The following NEK8 variants were observed in gnomAD, a reference collection of about 807,000 sequenced individuals.
NEK8 encodes NIMA related kinase 8, also known as serine/threonine-protein kinase Nek8.
A neutral mutation model predicts 77.2 loss-of-function variants in NEK8; 51 were observed. That is an observed-to-expected ratio of 0.66 (90% CI 0.53 to 0.83). NEK8 has a LOEUF of 0.83. Among genes scored for constraint, NEK8 ranks in the 40% least tolerant of loss-of-function variants. The pLI, the probability that NEK8 is intolerant of heterozygous loss-of-function variation, is 0.00. For missense variants in NEK8, 787 were observed against 909.2 expected, an observed-to-expected ratio of 0.87 and a Z score of 1.73; for synonymous variants, 365 against 363.2, an observed-to-expected ratio of 1.00 and a Z score of -0.06.
rs1238581801 is a variant in NEK8 at position 28,734,837 on chromosome 17, C to T, written c.319C>T (p.His107Tyr). The change falls in exon 3 of 15, where the codon CAC becomes TAC. Residue 107 changes from histidine (H) to tyrosine (Y), a missense_variant. This residue lies in a region of NEK8 where 271 missense variants were observed against 365.1 expected (regional missense o/e 0.74). Coordinates refer to ENST00000268766, the MANE Select transcript of NEK8 (RefSeq NM_178170.3). ...CCTGCTGGAGGAGGAGACCATCCTG[C>T]ACTTCTTCGTGCAGATCCTGCTTGC... is the stretch of plus-strand genomic sequence containing the variant. ...NSLLEEETIL[H>Y]FFVQILLALH... 1.9e-6 allele frequency: 3 copies of T among 1,613,772 alleles called. No individual in the cohort carries two copies. The highest frequency in any genetic ancestry group is 1.7e-6 in the Non-Finnish European group (2 of 1,180,028).
Position 28,737,619 on chromosome 17 carries a change from C to T in NEK8, c.828-56C>T. On this transcript the variant is annotated intron_variant, in intron 5 of 14. Coordinates refer to ENST00000268766, the MANE Select transcript of NEK8 (RefSeq NM_178170.3). The surrounding 1 kb of genome is among the most constrained non-coding windows in gnomAD (Gnocchi z 4.8). ...GAAACCTGGGGCAAGTCCTCCCTTC[C>T]TGCATGTAGGAATGTCAGGAGGGTC... 6.2e-7 allele frequency: 1 copy of T among 1,614,052 alleles called. No individual in the cohort carries two copies. Among genetic ancestry groups the T allele is most frequent in the Non-Finnish European group, 8.5e-7 (1 of 1,179,932 alleles).
intron 2 of NEK8, chr17:28,734,398 G>C: frequency 1.6e-6 from 1 of 607,886 alleles, no homozygotes; most frequent in Non-Finnish European, 2.9e-6. Context: ...GGCTGGGCAC[G>C]GTGGCTCATG....
intron 10 of NEK8, among the ~76,000 whole-genome samples, chr17:28,739,538 C>T (rs2034399525): frequency 6.6e-6 from 1 of 152,170 alleles, no homozygotes; most frequent in Non-Finnish European, 1.5e-5. Flanking sequence ...CAACCTCCAC[C>T]ACCGGGTTCA....
chr17:28,738,660 C>G lies in NEK8; in HGVS notation c.1223-11C>G, dbSNP rs367591443. ...CTTTCCCTTCTCCTTCCTCACTGCC[C>G]TTCTCCCCAGACAGAGGCATCATCA... On this transcript the variant is annotated splice_polypyrimidine_tract_variant and intron_variant, in intron 8 of 14. Coordinates refer to ENST00000268766, the MANE Select transcript of NEK8 (RefSeq NM_178170.3). The G allele has an allele frequency of 5.0e-6, 8 of 1,613,348 alleles. No individual in the cohort carries two copies. The highest frequency in any genetic ancestry group is 6.8e-6 in the Non-Finnish European group (8 of 1,179,256).
chr17:28,737,869 G>A lies in NEK8; in HGVS notation c.940G>A (p.Val314Met), dbSNP rs2034381414. Reference protein sequence around the residue: ...RPAIPPPLSSVYAWGGGLGTP... With the variant: ...RPAIPPPLSSMYAWGGGLGTP... ...AGCCATCCCACCACCACTGTCGTCA[G>A]TGTATGCCTGGGGTGGTGGGCTGGG... Residue 314 changes from valine (V) to methionine (M), a missense_variant, in exon 7 of 15, where the codon GTG (valine) becomes ATG (methionine). Around this residue, in one of 2 missense-constraint regions of NEK8, gnomAD observed 516 missense variants for 544.0 expected, o/e 0.95. Coordinates refer to ENST00000268766, the MANE Select transcript of NEK8 (RefSeq NM_178170.3). This position sits in a 1 kb window ranked among gnomAD's most constrained non-coding sequence, Gnocchi z 4.8. 6 of 1,613,852 alleles carry A rather than the reference G, an allele frequency of 3.7e-6. No individual in the cohort carries two copies. Among genetic ancestry groups the A allele is most frequent in the African/African-American group, 1.3e-5 (1 of 74,938 alleles).
intron 1 of NEK8, among the ~76,000 whole-genome samples, chr17:28,730,815 C>T (rs2034299459): frequency 6.6e-6 from 1 of 151,930 alleles, no homozygotes. Flanking sequence ...CCCAACTACT[C>T]AGGAGGCTGA....
chr17:28,740,618 A>G lies in NEK8; in HGVS notation c.1568+5A>G, dbSNP rs1309322362. Reference sequence around the variant, plus strand: ...CCTAGCCTGTGGGAGCAACAGGTGAATAGATCATCAGGATGACTAACCTGC... The same window carrying G: ...CCTAGCCTGTGGGAGCAACAGGTGAGTAGATCATCAGGATGACTAACCTGC... On this transcript the variant is annotated splice_donor_5th_base_variant and intron_variant, in intron 11 of 14. Transcript: ENST00000268766. This position sits in a 1 kb window ranked among gnomAD's most constrained non-coding sequence, Gnocchi z 4.7. 3 of 1,613,950 alleles carry G rather than the reference A, an allele frequency of 1.9e-6. No homozygotes were observed. Among genetic ancestry groups the G allele is most frequent in the Non-Finnish European group, 1.7e-6 (2 of 1,179,966 alleles).
intron 2 of NEK8, 140 bp from the exon 3 acceptor site, chr17:28,734,632 A>C (rs2034343757): frequency 1.5e-6 from 1 of 665,030 alleles, no homozygotes; most frequent in Admixed American, 2.4e-5. Context: ...TGCAGCAGTG[A>C]GCTGAGATCA....
chr17:28,738,116 G>A lies in NEK8; in HGVS notation c.1093G>A (p.Gly365Arg), dbSNP rs202102961. ...GCAGGCCCCACCCCTAGGTGCAGGC[G>A]GAGGCAGTCTCCTTCCTGGGGCAGT... is the stretch of plus-strand genomic sequence containing the variant. ...LWEAPPLGAG[G>R]GSLLPGAVEQ... is the part of the protein sequence containing the mutation. Residue 365 changes from glycine to arginine, a missense_variant, in exon 8 of 15, where the codon GGA becomes AGA. Coordinates refer to ENST00000268766, the MANE Select transcript of NEK8 (RefSeq NM_178170.3). The A allele has an allele frequency of 3.1e-4, 493 of 1,613,836 alleles. No homozygotes were observed. Among genetic ancestry groups the A allele is most frequent in the Non-Finnish European group, 3.7e-4 (432 of 1,179,878 alleles).
In NEK8 at chr17:28,741,968, A is replaced by G; in HGVS notation, c.2060A>G (p.Asp687Gly). The change falls in exon 15 of 15, where the codon GAT (aspartate) becomes GGT (glycine). Residue 687 changes from aspartate to glycine, a missense_variant. Physicochemically the swap from Asp to Gly is moderately conservative, Grantham distance 94 (BLOSUM62 -1). Transcript: ENST00000268766. The surrounding 1 kb of genome is among the most constrained non-coding windows in gnomAD (Gnocchi z 4.5). ...NTLLAVRSVT[D>G]EPVPP ...CTTCGGTACCCTCCAGCGGTCACAG[A>G]TGAGCCGGTCCCCCCCTGAGGCACC... 1 of 1,614,072 alleles carries G rather than the reference A, an allele frequency of 6.2e-7. No individual in the cohort carries two copies. The highest frequency in any genetic ancestry group is 8.5e-7 in the Non-Finnish European group (1 of 1,179,982).
chr17:28,732,256 C>A (rs893268565), intron 1 of NEK8, among the ~76,000 whole-genome samples: 18 of 151,706 alleles, frequency 1.2e-4, no homozygotes, highest in Admixed American at 2.6e-4. Flanking sequence ...GAGTTCAAGA[C>A]CAACCTGGCC....
chr17:28,738,017 G>A lies in NEK8; in HGVS notation c.1071+17G>A, dbSNP rs763411744. On this transcript the variant is annotated intron_variant, in intron 7 of 14. Transcript: ENST00000268766. Reference sequence around the variant, plus strand: ...CTGTGGGAGGTGAGCAGGCCAGGGGGTGGCCTGGATGGGTGGAGGTGGAGG... The same window carrying A: ...CTGTGGGAGGTGAGCAGGCCAGGGGATGGCCTGGATGGGTGGAGGTGGAGG... 1.2e-6 allele frequency: 2 copies of A among 1,612,644 alleles called. 1 individual carries two copies. The highest frequency in any genetic ancestry group is 2.2e-5 in the South Asian group (2 of 91,054).
chr17:28,731,908 A>ATTTTTTT lies in NEK8; in HGVS notation c.48-2041_48-2035dup, dbSNP rs71135844. 8.8e-4 allele frequency among the ~76,000 whole-genome samples: 46 copies of ATTTTTTT among 52,528 alleles called. 2 individuals carry two copies. Among genetic ancestry groups the ATTTTTTT allele is most frequent in the African/African-American group, 1.8e-3 (23 of 12,678 alleles). 34.5% of individuals were successfully genotyped at this position (52,528 alleles called of 152,430 possible). The stretch of plus-strand genomic sequence containing the variant: ...GCGTGAGCCACCGCGCCTGGCCCCA[A>ATTTTTTT]TTTTTTTTTTTTTTTTTTTTTTTTT... On this transcript the variant is annotated intron_variant, in intron 1 of 14. Transcript: ENST00000268766.
rs1317276183 is a variant in NEK8 at position 28,737,458 on chromosome 17, C to T, written c.771C>T (p.Leu257=). 16 of 1,613,166 alleles carry T rather than the reference C, an allele frequency of 9.9e-6. No individual in the cohort carries two copies. Among genetic ancestry groups the T allele is most frequent in the Non-Finnish European group, 1.3e-5 (15 of 1,180,020 alleles). ...TCAGCCACATCATGGCACAGCCCCT[C>T]TGCATCCGTGCCCTCCTCAACCTCC... ...PPLSHIMAQP[L]CIRALLNLHT... Residue 257 remains leucine (L), a synonymous_variant, in exon 5 of 15, where the codon CTC becomes CTT. Coordinates refer to ENST00000268766, the MANE Select transcript of NEK8 (RefSeq NM_178170.3). The surrounding 1 kb of genome is among the most constrained non-coding windows in gnomAD (Gnocchi z 4.8).
At position 28,728,854 on chromosome 17, in the gene NEK8, C is replaced by T. The variant is rs766050312; in HGVS notation, c.41C>T (p.Ala14Val). 6 of 1,550,896 alleles carry T rather than the reference C, an allele frequency of 3.9e-6. No individual in the cohort carries two copies. The Admixed American group carries it at 5.9e-5, about 15-fold the overall frequency. ...YERIRVVGRG[A>V]FGIVHLCLRK... ...CGGATCCGAGTGGTGGGGAGAGGTG[C>T]CTTCGGGTGAGCCAGGGCTCTGGGG... Residue 14 changes from alanine to valine, a missense_variant, in exon 1 of 15, where the codon GCC (alanine) becomes GTC (valine). Ala to Val is a moderately conservative substitution (Grantham distance 64). Around this residue, in one of 2 missense-constraint regions of NEK8, gnomAD observed 271 missense variants for 365.1 expected, o/e 0.74. Transcript: ENST00000268766.
intron 8 of NEK8, among the ~76,000 whole-genome samples, 173 bp downstream of exon 8, chr17:28,738,418 G>A (rs779310358): frequency 3.3e-5 from 5 of 152,150 alleles, no homozygotes; most frequent in South Asian, 2.1e-4. Context: ...TTTACCCTAC[G>A]GACAGGCCTG....
At position 28,738,169 on chromosome 17, in the gene NEK8, G is replaced by A. The variant is rs780922648; in HGVS notation, c.1146G>A (p.Ser382=). The A allele has an allele frequency of 1.6e-5, 26 of 1,614,008 alleles. No individual in the cohort carries two copies. The highest frequency in any genetic ancestry group is 1.6e-4 in the East Asian group (7 of 44,888). Residue 382 remains serine, a synonymous_variant, in exon 8 of 15, where the codon TCG becomes TCA. Coordinates refer to ENST00000268766, the MANE Select transcript of NEK8 (RefSeq NM_178170.3). ...AGCAGCCACAGCCCCAGTTCATCTCGCGTTTCCTGGAGGGCCAGTCGGGTG... is the reference window on the plus strand; with the variant it reads ...AGCAGCCACAGCCCCAGTTCATCTCACGTTTCCTGGAGGGCCAGTCGGGTG... The part of the protein sequence containing the change: ...AVEQPQPQFI[S]RFLEGQSGVT...
In NEK8 at chr17:28,738,264, C is replaced by T. The variant is rs1264231566; in HGVS notation, c.1222+19C>T. ...CTGACTGGTGAGTTGTCGGGCCTAC[C>T]TTGTGGGACCTGCTCTGAGGCCCCA... On this transcript the variant is annotated intron_variant, in intron 8 of 14. Transcript: ENST00000268766. 1 of 1,614,094 alleles carries T rather than the reference C, an allele frequency of 6.2e-7. No individual in the cohort carries two copies. The highest frequency in any genetic ancestry group is 2.2e-5 in the East Asian group (1 of 44,882).
At position 28,737,466 on chromosome 17, in the gene NEK8, G is replaced by A. The variant is rs61745003; in HGVS notation, c.779G>A (p.Arg260His). 1.1e-4 allele frequency: 180 copies of A among 1,612,964 alleles called. No homozygotes were observed. The highest frequency in any genetic ancestry group is 4.3e-4 in the South Asian group (39 of 91,084). ...ATCATGGCACAGCCCCTCTGCATCC[G>A]TGCCCTCCTCAACCTCCACACCGAC... ...SHIMAQPLCI[R>H]ALLNLHTDVG... Residue 260 changes from arginine (R) to histidine (H), a missense_variant, in exon 5 of 15, where the codon CGT becomes CAT. By Grantham distance (29) the Arg-to-His change is conservative. Around this residue, in one of 2 missense-constraint regions of NEK8, gnomAD observed 271 missense variants for 365.1 expected, o/e 0.74. Transcript: ENST00000268766. This position sits in a 1 kb window ranked among gnomAD's most constrained non-coding sequence, Gnocchi z 4.8.
Sources: gnomAD v4.1 joint callset for allele counts (sites outside exome capture counted in the v4.1 genomes callset) on GRCh38, gnomAD v4.1.1 for gene constraint, gnomAD v4.1.1 regional missense constraint, Gnocchi (gnomAD v3.1) non-coding constraint, MANE v1.5 for transcripts, NCBI Gene and HGNC (gene_info 2026-07-23, HGNC 2026-07-21) for gene names.